PDSS2: variants seen among roughly 807,000 people sequenced by gnomAD.
PDSS2 encodes all trans-polyprenyl-diphosphate synthase PDSS2.
A neutral mutation model predicts 44.5 loss-of-function variants in PDSS2; 31 were observed. The ratio of observed to expected loss-of-function variants is 0.70; its 90% CI spans 0.52 to 0.94. The LOEUF (loss-of-function observed/expected upper bound fraction) is 0.94, where lower values mean the gene tolerates loss of function less well. Ranked by LOEUF, PDSS2 falls within the 40% of genes least tolerant of loss-of-function variation. The pLI, the probability that PDSS2 is intolerant of heterozygous loss-of-function variation, is 0.00. For missense variants in PDSS2, 452 were observed against 482.2 expected (o/e 0.94, Z 0.59); for synonymous variants, 157 against 180.3 (o/e 0.87, Z 1.03).
At chr6:107,374,553 C>T (rs905062485) in intron 1 of PDSS2, among the ~76,000 whole-genome samples, 1 of 152,182 alleles carries the variant, frequency 6.6e-6, no homozygotes, top group Non-Finnish European at 1.5e-5. Flanking sequence ...AGTGGTTAGG[C>T]ACAGGCAGGA....
intron 4 of PDSS2, among the ~76,000 whole-genome samples, chr6:107,227,922 C>G (rs772831362): frequency 6.6e-6 from 1 of 152,024 alleles, no homozygotes; most frequent in Non-Finnish European, 1.5e-5. Flanking sequence ...CAGCAGTGAC[C>G]CAGGATGGAG....
At chr6:107,440,047 G>A (rs1374972307) in intron 1 of PDSS2, among the ~76,000 whole-genome samples, 2 of 152,074 alleles carry the variant, frequency 1.3e-5, no homozygotes, top group South Asian at 2.1e-4. Context: ...GGCTATACAT[G>A]TGCTCAACAA....
intron 7 of PDSS2, among the ~76,000 whole-genome samples, chr6:107,189,825 C>T (rs62428029): frequency 0.011 from 1,740 of 152,052 alleles, 14 homozygotes; most frequent in Non-Finnish European, 0.018. Context: ...GATAAGAAAC[C>T]CCAGAGGCAT....
intron 1 of PDSS2, among the ~76,000 whole-genome samples, chr6:107,337,935 A>G (rs1777957271): frequency 6.6e-6 from 1 of 152,082 alleles, no homozygotes; most frequent in Non-Finnish European, 1.5e-5. Flanking sequence ...ACAAAAATTA[A>G]GAGAGCATTC....
At chr6:107,180,921 C>A (rs7774237) in intron 7 of PDSS2, among the ~76,000 whole-genome samples, 12 of 152,250 alleles carry the variant, frequency 7.9e-5, no homozygotes, top group African/African-American at 2.9e-4. Flanking sequence ...GCGCAATAAC[C>A]GCAACCTCCA....
intron 2 of PDSS2, among the ~76,000 whole-genome samples, chr6:107,323,398 G>T (rs1389630228): frequency 1.3e-5 from 2 of 152,170 alleles, no homozygotes; most frequent in African/African-American, 4.8e-5. Flanking sequence ...TGGACCACAG[G>T]ATAGTTGAAC....
At chr6:107,221,380 T>A (rs1773602640) in intron 4 of PDSS2, among the ~76,000 whole-genome samples, 1 of 145,310 alleles carries the variant, frequency 6.9e-6, no homozygotes. Flanking sequence ...GATACACCTA[T>A]ATCATCAACT....
chr6:107,216,989 G>C (rs1302758440), intron 4 of PDSS2, among the ~76,000 whole-genome samples: 1 of 152,156 alleles, frequency 6.6e-6, no homozygotes, highest in Non-Finnish European at 1.5e-5. Context: ...TCAGTAAATG[G>C]TGCTGGTACA....
intron 4 of PDSS2, among the ~76,000 whole-genome samples, chr6:107,220,150 AT>A (rs1282626575): frequency 1.3e-5 from 2 of 150,718 alleles, no homozygotes; most frequent in African/African-American, 4.9e-5. Flanking sequence ...TGATTTGGTA[AT>A]GACTGTATCA....
At chr6:107,449,941 A>G (rs1428134696) in intron 1 of PDSS2, among the ~76,000 whole-genome samples, 2 of 152,188 alleles carry the variant, frequency 1.3e-5, no homozygotes, top group African/African-American at 4.8e-5. Flanking sequence ...CCTATCAACC[A>G]TCAATGGACA....
intron 6 of PDSS2, among the ~76,000 whole-genome samples, chr6:107,202,392 CAAACAAAACAAAACA>C (rs554174397): frequency 1.1e-4 from 17 of 151,016 alleles, no homozygotes; most frequent in Non-Finnish European, 2.2e-4. Context: ...AAAAAAAAAA[CAAACAAAACAAAACA>C]AAACAAAACA....
intron 1 of PDSS2, among the ~76,000 whole-genome samples, chr6:107,412,594 C>T (rs550233675): frequency 1.7e-3 from 263 of 152,286 alleles, no homozygotes; most frequent in Non-Finnish European, 3.0e-3. Flanking sequence ...TTCCTTCTCT[C>T]CATTTATACA....
At chr6:107,246,884 T>C (rs1414137222) in intron 3 of PDSS2, among the ~76,000 whole-genome samples, 1 of 152,198 alleles carries the variant, frequency 6.6e-6, no homozygotes, top group Admixed American at 6.5e-5. Context: ...TTAAATCACA[T>C]TGTCCTTCAG....
At chr6:107,426,540 G>A (rs150360078) in intron 1 of PDSS2, among the ~76,000 whole-genome samples, 300 of 152,294 alleles carry the variant, frequency 2.0e-3, no homozygotes, top group Non-Finnish European at 3.0e-3. Context: ...CCATTCTCCA[G>A]ACCCCAGAAC....
chr6:107,437,445 A>G (rs1781384666), intron 1 of PDSS2, among the ~76,000 whole-genome samples: 1 of 149,988 alleles, frequency 6.7e-6, no homozygotes, highest in African/African-American at 2.5e-5. Flanking sequence ...GAATTGCTTG[A>G]GCCTGAGAGG....
At chr6:107,363,335 C>T (rs570580423) in intron 1 of PDSS2, among the ~76,000 whole-genome samples, 2 of 152,328 alleles carry the variant, frequency 1.3e-5, no homozygotes, top group East Asian at 1.9e-4. Flanking sequence ...AGTCTTACAG[C>T]TCTTAAGGTG....
intron 1 of PDSS2, among the ~76,000 whole-genome samples, chr6:107,444,545 A>T (rs966762554): frequency 2.0e-5 from 3 of 152,176 alleles, no homozygotes; most frequent in African/African-American, 7.2e-5. Context: ...CCATGCCCAG[A>T]GCACCTCAAA....
chr6:107,263,326 G>A (rs905263373), intron 3 of PDSS2, among the ~76,000 whole-genome samples: 1 of 151,940 alleles, frequency 6.6e-6, no homozygotes, highest in Non-Finnish European at 1.5e-5. Flanking sequence ...GGTGGCAGGC[G>A]CCTGTAATCC....
chr6:107,440,089 T>G (rs1165258824), intron 1 of PDSS2, among the ~76,000 whole-genome samples: 1 of 152,228 alleles, frequency 6.6e-6, no homozygotes, highest in Admixed American at 6.5e-5. Flanking sequence ...GCTGAGCTGG[T>G]GGTCTCACTG....
Sources: allele counts gnomAD v4.1 joint callset (sites outside exome capture counted in the v4.1 genomes callset), GRCh38; gene constraint gnomAD v4.1.1; transcripts MANE v1.5; gene names NCBI Gene and HGNC (gene_info 2026-07-23, HGNC 2026-07-21).